Variants in HCFC2 observed in about 807,000 individuals in gnomAD.
HCFC2 encodes the protein host cell factor 2.
In HCFC2, 18 loss-of-function variants were observed where a neutral mutation model predicts 89.2. The ratio of observed to expected loss-of-function variants is 0.20; its 90% CI spans 0.14 to 0.30. The LOEUF is 0.30. Ranked by LOEUF, HCFC2 falls within the 10% of genes least tolerant of loss-of-function variation. The pLI is 1.00. For missense variants in HCFC2, 578 were observed against 956.1 expected (o/e 0.60, Z 5.21); for synonymous variants, 308 against 335.7 (o/e 0.92, Z 0.90).
Position 104,095,950 on chromosome 12 carries a change from A to C in HCFC2, c.1666+387A>C, listed in dbSNP as rs1225108261. ...ATCAGAATGTGTCTTTCCTACCATG[A>C]ATAAATTTAGCAAACTTTTTTTTAG... On this transcript the variant is annotated intron_variant, in intron 11 of 14. Coordinates refer to ENST00000229330, the MANE Select transcript of HCFC2 (RefSeq NM_013320.3). This position sits in a 1 kb window ranked among gnomAD's most constrained non-coding sequence, Gnocchi z 4.2. Among the ~76,000 whole-genome samples, 2 of 152,170 alleles carry C rather than the reference A, an allele frequency of 1.3e-5. No individual in the cohort carries two copies. The highest frequency in any genetic ancestry group is 4.8e-5 in the African/African-American group (2 of 41,464).
At chr12:104,069,180 G>A (rs1195012464) in intron 3 of HCFC2, among the ~76,000 whole-genome samples, 1 of 152,060 alleles carries the variant, frequency 6.6e-6, no homozygotes, top group African/African-American at 2.4e-5. Flanking sequence ...GGTGGCACGC[G>A]CCTGTGGTCA....
At chr12:104,093,643 T>A in intron 10 of HCFC2, 80 bp downstream of exon 10, 1 of 1,284,704 alleles carries the variant, frequency 7.8e-7, no homozygotes, top group Non-Finnish European at 1.1e-6. Context: ...GTAAATGTTG[T>A]ACAGTTTTGA....
Position 104,103,225 on chromosome 12 carries a change from A to G in HCFC2, c.2331A>G (p.Thr777=). The change falls in exon 15 of 15, where the codon ACA becomes ACG. Residue 777 remains threonine, a synonymous_variant. Coordinates refer to ENST00000229330, the MANE Select transcript of HCFC2 (RefSeq NM_013320.3). Reference sequence around the variant, plus strand: ...ATGAAAAGGGATATGGACCAGCTACACAAGTTCGGTGGCTTCAAGGTAACA... The same window carrying G: ...ATGAAAAGGGATATGGACCAGCTACGCAAGTTCGGTGGCTTCAAGGTAACA... ...AKNEKGYGPA[T]QVRWLQGNNK... is the part of the protein sequence containing the mutation. 3 of 1,613,988 alleles carry G rather than the reference A, an allele frequency of 1.9e-6. No homozygotes were observed. The highest frequency in any genetic ancestry group is 8.5e-7 in the Non-Finnish European group (1 of 1,179,836).
In HCFC2 at chr12:104,064,573, A is replaced by G. The variant is rs1298597226; in HGVS notation, c.13A>G (p.Ser5Gly). The change falls in exon 1 of 15, where the codon AGC (serine) becomes GGC (glycine). Residue 5 changes from serine to glycine, a missense_variant. By Grantham distance (56) the Ser-to-Gly change is moderately conservative. Transcript: ENST00000229330. The surrounding 1 kb of genome is among the most constrained non-coding windows in gnomAD (Gnocchi z 7.3). ...GGGGGTTGGGAAGATGGCGGCTCCCAGCCTCCTCAACTGGAGGCGAGTTTC... is the reference window on the plus strand; with the variant it reads ...GGGGGTTGGGAAGATGGCGGCTCCCGGCCTCCTCAACTGGAGGCGAGTTTC... MAAP[S>G]LLNWRRVSSF... The G allele has an allele frequency of 1.2e-5, 19 of 1,543,138 alleles. No homozygotes were observed. The highest frequency in any genetic ancestry group is 1.6e-5 in the Non-Finnish European group (18 of 1,147,176).
Position 104,095,594 on chromosome 12 carries a change from G to T in HCFC2, c.1666+31G>T. On this transcript the variant is annotated intron_variant, in intron 11 of 14. Coordinates refer to ENST00000229330, the MANE Select transcript of HCFC2 (RefSeq NM_013320.3). This position sits in a 1 kb window ranked among gnomAD's most constrained non-coding sequence, Gnocchi z 4.2. ...AAATGTGTTTCACATACTGTATTTTGAACCATTTATGTATATAAATTCATC... is the reference window on the plus strand; with the variant it reads ...AAATGTGTTTCACATACTGTATTTTTAACCATTTATGTATATAAATTCATC... 2 of 1,549,124 alleles carry T rather than the reference G, an allele frequency of 1.3e-6. No individual in the cohort carries two copies. The highest frequency in any genetic ancestry group is 2.2e-5 in the South Asian group (2 of 89,006).
chr12:104,076,513 C>A (rs1313048548), intron 3 of HCFC2, among the ~76,000 whole-genome samples: 5 of 152,240 alleles, frequency 3.3e-5, no homozygotes, highest in Non-Finnish European at 7.3e-5. Flanking sequence ...CAGTTTAAGC[C>A]TATGCCACAT....
At chr12:104,087,433 G>A (rs796883319) in intron 8 of HCFC2, among the ~76,000 whole-genome samples, 4 of 85,506 alleles carry the variant, frequency 4.7e-5, no homozygotes, top group Non-Finnish European at 1.1e-4. Flanking sequence ...GTGTGTGTGT[G>A]TGTGTGTGTA....
intron 14 of HCFC2, 63 bp from the exon 15 acceptor site, chr12:104,102,896 A>G (rs976557387): frequency 7.6e-7 from 1 of 1,311,730 alleles, no homozygotes; most frequent in Non-Finnish European, 1.1e-6. Context: ...TAGACTCAAC[A>G]TAATAAGTGA....
chr12:104,072,858 A>G (rs1279874571), intron 3 of HCFC2, among the ~76,000 whole-genome samples: 1 of 151,744 alleles, frequency 6.6e-6, no homozygotes, highest in Non-Finnish European at 1.5e-5. Flanking sequence ...GTTAGCCAGG[A>G]TGGTCTCGAT....
intron 10 of HCFC2, 65 bp downstream of exon 10, chr12:104,093,628 A>G (rs1172241993): frequency 6.5e-6 from 9 of 1,375,152 alleles, no homozygotes; most frequent in Non-Finnish European, 9.1e-6. Context: ...ATAGTCATTG[A>G]AAAAGTAAAT....
chr12:104,086,002 T>TG (rs1225680114), intron 7 of HCFC2, among the ~76,000 whole-genome samples: 1 of 149,958 alleles, frequency 6.7e-6, no homozygotes, highest in African/African-American at 2.5e-5. Context: ...ACCATTTTTT[T>TG]TTTTTTTTTT....
chr12:104,093,686 T>C, intron 10 of HCFC2, 123 bp downstream of exon 10: 1 of 736,774 alleles, frequency 1.4e-6, no homozygotes, highest in East Asian at 2.7e-5. Flanking sequence ...ACTGCCATAT[T>C]CAACCTGGTT....
chr12:104,082,732 C>G lies in HCFC2; in HGVS notation c.894C>G (p.Thr298=), dbSNP rs1883721158. ...YLNLDTTEWT[T]LVSDSQEDKK... is the part of the protein sequence containing the mutation. ...TTTCAGATACAACAGAGTGGACCAC[C>G]CTAGTATCAGATTCTCAGGAAGATA... is the stretch of plus-strand genomic sequence containing the variant. Residue 298 remains threonine, a synonymous_variant, in exon 7 of 15, where the codon ACC becomes ACG. Transcript: ENST00000229330. 1 of 1,613,078 alleles carries G rather than the reference C, an allele frequency of 6.2e-7. No homozygotes were observed. Among genetic ancestry groups the G allele is most frequent in the South Asian group, 1.1e-5 (1 of 90,876 alleles).
intron 3 of HCFC2, among the ~76,000 whole-genome samples, chr12:104,070,071 G>A (rs745555472): frequency 2.1e-4 from 32 of 152,018 alleles, no homozygotes; most frequent in Non-Finnish European, 3.8e-4. Flanking sequence ...CTCCCAGGCT[G>A]AAGTGCAGTG....
rs1566235669 is a variant in HCFC2, at chr12:104,095,608, T to A, written c.1666+45T>A. Reference sequence around the variant, plus strand: ...TACTGTATTTTGAACCATTTATGTATATAAATTCATCAAACTTACTTGTCT... The same window carrying A: ...TACTGTATTTTGAACCATTTATGTAAATAAATTCATCAAACTTACTTGTCT... On this transcript the variant is annotated intron_variant, in intron 11 of 14. Coordinates refer to ENST00000229330, the MANE Select transcript of HCFC2 (RefSeq NM_013320.3). The surrounding 1 kb of genome is among the most constrained non-coding windows in gnomAD (Gnocchi z 4.2). The A allele has an allele frequency of 2.8e-6, 4 of 1,442,418 alleles. No individual in the cohort carries two copies. Among genetic ancestry groups the A allele is most frequent in the Middle Eastern group, 3.9e-4 (2 of 5,098 alleles). The allele number at this position is 1,442,418 out of a possible 1,614,324, so 89.4% of individuals were successfully genotyped here.
At chr12:104,071,314 G>A (rs1031281193) in intron 3 of HCFC2, among the ~76,000 whole-genome samples, 2 of 152,224 alleles carry the variant, frequency 1.3e-5, no homozygotes, top group East Asian at 1.9e-4. Flanking sequence ...CCTTTTTCAT[G>A]TATTAGCTTT....
In HCFC2 at chr12:104,068,966, C is replaced by T. The variant is rs543097740; in HGVS notation, c.473+859C>T. Among the ~76,000 whole-genome samples, 16 of 151,306 alleles carry T rather than the reference C, an allele frequency of 1.1e-4. No individual in the cohort carries two copies. Among genetic ancestry groups the T allele is most frequent in the South Asian group, 6.3e-4 (3 of 4,794 alleles). ...ATGGTTACTATAGTGGTAATATATCCGTCATTTCATATAGTTACCCATTTT... is the reference window on the plus strand; with the variant it reads ...ATGGTTACTATAGTGGTAATATATCTGTCATTTCATATAGTTACCCATTTT... On this transcript the variant is annotated intron_variant, in intron 3 of 14. Transcript: ENST00000229330. This position sits in a 1 kb window ranked among gnomAD's most constrained non-coding sequence, Gnocchi z 4.1.
chr12:104,099,068 T>C (rs1178751289), intron 13 of HCFC2, among the ~76,000 whole-genome samples: 1 of 151,712 alleles, frequency 6.6e-6, no homozygotes, highest in East Asian at 1.9e-4. Context: ...ACAGGAAGCA[T>C]GATGCTGGCA....
chr12:104,074,347 A>G (rs984114947), intron 3 of HCFC2, among the ~76,000 whole-genome samples: 1 of 152,010 alleles, frequency 6.6e-6, no homozygotes, highest in Non-Finnish European at 1.5e-5. Context: ...TTTCATAGAG[A>G]CAAGGTCTTT....
Sources: gnomAD v4.1 joint callset for allele counts (sites outside exome capture counted in the v4.1 genomes callset) on GRCh38, gnomAD v4.1.1 for gene constraint, Gnocchi (gnomAD v3.1) non-coding constraint, MANE v1.5 for transcripts, NCBI Gene and HGNC (gene_info 2026-07-23, HGNC 2026-07-21) for gene names.